STK3: variants seen among roughly 807,000 people sequenced by gnomAD.
The protein encoded by STK3 is serine/threonine-protein kinase 3.
STK3 carries 41 observed loss-of-function variants against 58.0 expected under a neutral mutation model. The ratio of observed to expected loss-of-function variants is 0.71; its 90% CI spans 0.55 to 0.92. STK3 has a LOEUF of 0.92. Ranked by LOEUF, STK3 falls within the 40% of genes least tolerant of loss-of-function variation. STK3 has a pLI of 0.00. For missense variants in STK3, 479 were observed against 602.7 expected (o/e 0.79, Z 2.15); for synonymous variants, 170 against 191.0 (o/e 0.89, Z 0.91).
intron 1 of STK3, among the ~76,000 whole-genome samples, chr8:98,941,773 G>A (rs1051501178): frequency 6.6e-6 from 1 of 152,232 alleles, no homozygotes; most frequent in African/African-American, 2.4e-5. Context: ...AACTTGCAGC[G>A]GTTGGGGTTC....
chr8:98,406,429 T>C (rs995745026), intron 3 of STK3, among the ~76,000 whole-genome samples: 2 of 152,120 alleles, frequency 1.3e-5, no homozygotes, highest in Non-Finnish European at 2.9e-5. Flanking sequence ...CAATCATTTT[T>C]CAACCCTTCC....
intron 6 of STK3, among the ~76,000 whole-genome samples, chr8:98,670,413 A>G (rs1329292104): frequency 2.0e-5 from 3 of 152,226 alleles, no homozygotes. Context: ...AAGTACTGAC[A>G]CATGATAAGC....
intron 6 of STK3, among the ~76,000 whole-genome samples, chr8:98,603,078 T>C (rs1563792665): frequency 6.6e-6 from 1 of 152,256 alleles, no homozygotes; most frequent in East Asian, 1.9e-4. Context: ...CTGGGTATCT[T>C]GCTAGGCCAG....
At chr8:98,919,327 G>T (rs1013769483) in intron 1 of STK3, among the ~76,000 whole-genome samples, 2 of 152,212 alleles carry the variant, frequency 1.3e-5, no homozygotes, top group Non-Finnish European at 2.9e-5. Flanking sequence ...CCACAAATCA[G>T]TGTGTTGTCT....
chr8:98,451,928 T>C (rs1485728053), downstream of STK3, among the ~76,000 whole-genome samples: 2 of 151,880 alleles, frequency 1.3e-5, no homozygotes, highest in East Asian at 3.9e-4. Flanking sequence ...ACTCCAAAAT[T>C]GCATTTTGAT....
At chr8:98,389,324 T>C (rs1163925594), upstream of STK3, among the ~76,000 whole-genome samples, 1 of 152,182 alleles carries the variant, frequency 6.6e-6, no homozygotes, top group African/African-American at 2.4e-5. Context: ...TCTGGGTAAA[T>C]TCTCTTCCCA....
chr8:98,934,990 T>C (rs1420554908), intron 1 of STK3, among the ~76,000 whole-genome samples: 1 of 151,162 alleles, frequency 6.6e-6, no homozygotes, highest in African/African-American at 2.4e-5. Context: ...CTAGACATCC[T>C]ATGGCTAAAA....
intron 1 of STK3, among the ~76,000 whole-genome samples, chr8:98,793,171 CA>C (rs1307328958): frequency 2.0e-5 from 3 of 151,954 alleles, no homozygotes; most frequent in African/African-American, 2.4e-5. Context: ...TTTGGAGACT[CA>C]GGGGGAAAGG....
chr8:98,365,582 G>T, the STK3 span, among the ~76,000 whole-genome samples: 2 of 152,098 alleles, frequency 1.3e-5, no homozygotes, highest in Non-Finnish European at 2.9e-5. Flanking sequence ...TTTTTAAAAA[G>T]AAATAAAACA....
chr8:98,432,278 A>T (rs1326358866), intron 3 of STK3: 2 of 167,034 alleles, frequency 1.2e-5, no homozygotes, highest in Non-Finnish European at 2.9e-5. Flanking sequence ...GAAACTGGAG[A>T]TGACTTGTTT....
chr8:98,880,935 A>G (rs2131897072), downstream of STK3: 2 of 152,330 alleles, frequency 1.3e-5, 1 homozygote, highest in South Asian at 4.1e-4. Context: ...TTACAAAACT[A>G]AACATACTCT....
chr8:98,511,573 T>TCTTA (rs1245884644), intron 10 of STK3, among the ~76,000 whole-genome samples: 1 of 152,232 alleles, frequency 6.6e-6, no homozygotes, highest in African/African-American at 2.4e-5. Context: ...GAATGCCTTC[T>TCTTA]CTTACATTGT....
At chr8:98,863,395 G>A (rs1029194388) in intron 3 of STK3, among the ~76,000 whole-genome samples, 2 of 152,062 alleles carry the variant, frequency 1.3e-5, no homozygotes, top group African/African-American at 4.8e-5. Context: ...ATGATATTAG[G>A]CAAGTCACTT....
chr8:98,590,639 T>C (rs552933280), intron 7 of STK3, among the ~76,000 whole-genome samples: 1 of 152,318 alleles, frequency 6.6e-6, no homozygotes, highest in South Asian at 2.1e-4. Context: ...CACGTCCGTG[T>C]GAAGAGACCA....
At chr8:98,932,705 A>T (rs1202887956) in intron 1 of STK3, among the ~76,000 whole-genome samples, 1 of 152,200 alleles carries the variant, frequency 6.6e-6, no homozygotes, top group African/African-American at 2.4e-5. Context: ...CTGCTGCATT[A>T]CTAAACAGCC....
At chr8:98,929,700 G>T (rs1839939420) in intron 1 of STK3, among the ~76,000 whole-genome samples, 1 of 152,198 alleles carries the variant, frequency 6.6e-6, no homozygotes, top group South Asian at 2.1e-4. Flanking sequence ...CAATTAAATT[G>T]TGCCAGCCTC....
chr8:98,821,501 A>T (rs951911746), intron 1 of STK3, among the ~76,000 whole-genome samples: 1 of 142,924 alleles, frequency 7.0e-6, no homozygotes, highest in African/African-American at 2.5e-5. Flanking sequence ...TCTACAAATT[A>T]AAAAAAAAAA....
chr8:98,360,457 T>A, the STK3 span, among the ~76,000 whole-genome samples: 4 of 152,060 alleles, frequency 2.6e-5, no homozygotes, highest in African/African-American at 9.7e-5. Context: ...TCCTGAATGA[T>A]CATATTCCTT....
chr8:98,666,340 G>A (rs1211027245), intron 6 of STK3, among the ~76,000 whole-genome samples: 1 of 152,072 alleles, frequency 6.6e-6, no homozygotes, highest in African/African-American at 2.4e-5. Flanking sequence ...TAAGAAAAAT[G>A]ATTTATCTAC....
Sources: allele counts gnomAD v4.1 joint callset (sites outside exome capture counted in the v4.1 genomes callset), GRCh38; gene constraint gnomAD v4.1.1; transcripts MANE v1.5; gene names NCBI Gene and HGNC (gene_info 2026-07-23, HGNC 2026-07-21).